VPS13B: variants seen among roughly 807,000 people sequenced by gnomAD.
VPS13B encodes vacuolar protein sorting 13 homolog B.
Under a neutral mutation model 426.4 loss-of-function variants are expected in VPS13B, and 285 were observed. That is an observed-to-expected ratio of 0.67 (90% CI 0.61 to 0.74). VPS13B has a LOEUF of 0.74. Among genes scored for constraint, VPS13B ranks in the 30% least tolerant of loss-of-function variants. VPS13B has a pLI of 0.00. For synonymous variants in VPS13B, 1,676 were observed against 1,676.4 expected, an observed-to-expected ratio of 1.00 and a Z score of 0.01; for missense variants, 4,537 against 4,782.6, an observed-to-expected ratio of 0.95 and a Z score of 1.51.
Position 99,302,409 on chromosome 8 carries a change from A to G in VPS13B, c.2824+27155A>G, listed in dbSNP as rs539855716. Among the ~76,000 whole-genome samples the G allele has an allele frequency of 1.4e-4, 21 of 152,342 alleles. No homozygotes were observed. The South Asian group carries it at 3.7e-3, about 27-fold the overall frequency. On this transcript the variant is annotated intron_variant, in intron 19 of 61. Coordinates refer to ENST00000357162, the MANE Select transcript of VPS13B (RefSeq NM_152564.5). ...GGCTTAGCCTACCTTAAACATTCTC[A>G]GAACACTTACCTTAGCCTATTATTG... is the stretch of plus-strand genomic sequence containing the variant.
At chr8:99,371,080 T>G (rs770931458) in intron 19 of VPS13B, among the ~76,000 whole-genome samples, 5 of 152,328 alleles carry the variant, frequency 3.3e-5, no homozygotes, top group Admixed American at 1.3e-4. Context: ...TGACATTTAT[T>G]AAATTGTATT....
At chr8:99,711,167 CTGTGT>C (rs1832695080) in intron 36 of VPS13B, among the ~76,000 whole-genome samples, 1 of 152,074 alleles carries the variant, frequency 6.6e-6, no homozygotes, top group Non-Finnish European at 1.5e-5. Flanking sequence ...CTACAGATAA[CTGTGT>C]TCCCTCATTG....
chr8:99,548,708 G>A (rs1824118583), intron 30 of VPS13B, among the ~76,000 whole-genome samples: 1 of 151,822 alleles, frequency 6.6e-6, no homozygotes, highest in Non-Finnish European at 1.5e-5. Context: ...AAAAAATAGA[G>A]ATTAGTGACT....
At chr8:99,431,274 C>G (rs1817097018) in intron 21 of VPS13B, among the ~76,000 whole-genome samples, 1 of 152,150 alleles carries the variant, frequency 6.6e-6, no homozygotes, top group African/African-American at 2.4e-5. Flanking sequence ...ACGTTACTAT[C>G]ACTTCACAAG....
intron 8 of VPS13B, among the ~76,000 whole-genome samples, chr8:99,122,554 C>T (rs1847999479): frequency 6.6e-6 from 1 of 152,126 alleles, no homozygotes; most frequent in African/African-American, 2.4e-5. Context: ...TTTACCTTCT[C>T]TTCCTCTCAC....
intron 35 of VPS13B, among the ~76,000 whole-genome samples, chr8:99,687,821 T>C (rs1588623834): frequency 6.6e-6 from 1 of 152,142 alleles, no homozygotes; most frequent in East Asian, 1.9e-4. Context: ...TGACTTTTGG[T>C]TCTTGTTAAG....
chr8:99,300,515 G>C (rs1308452177), intron 19 of VPS13B, among the ~76,000 whole-genome samples: 2 of 152,160 alleles, frequency 1.3e-5, no homozygotes, highest in Non-Finnish European at 2.9e-5. Flanking sequence ...GCTTAAAGTT[G>C]TTGCTGTATT....
chr8:99,295,537 C>A (rs982635448), intron 19 of VPS13B, among the ~76,000 whole-genome samples: 2 of 152,102 alleles, frequency 1.3e-5, no homozygotes, highest in African/African-American at 4.8e-5. Flanking sequence ...ACCTATTGAA[C>A]ACTATAGCTT....
At chr8:99,139,745 A>G (rs763520806) in intron 12 of VPS13B, among the ~76,000 whole-genome samples, 1 of 151,834 alleles carries the variant, frequency 6.6e-6, no homozygotes, top group Non-Finnish European at 1.5e-5. Flanking sequence ...CCCTCTGTTG[A>G]TATTTCTTTC....
chr8:99,120,759 A>G (rs2132514228), intron 7 of VPS13B, among the ~76,000 whole-genome samples: 1 of 152,160 alleles, frequency 6.6e-6, no homozygotes, highest in East Asian at 1.9e-4. Context: ...GAAATGAAGA[A>G]TGTTTCTTGG....
chr8:99,268,926 G>A lies in VPS13B; in HGVS notation c.2516-5272G>A, dbSNP rs920220707. Among the ~76,000 whole-genome samples the A allele has an allele frequency of 5.9e-5, 9 of 152,116 alleles. No homozygotes were observed. The South Asian group carries it at 6.2e-4, about 11-fold the overall frequency. On this transcript the variant is annotated intron_variant, in intron 17 of 61. Transcript: ENST00000357162. ...GGGAGGTAGTTGGATCATGGAGGTG[G>A]TTACCCTCATGCTGTTCTTGTGATA... is the stretch of plus-strand genomic sequence containing the variant.
At chr8:99,575,510 G>A (rs943940145) in intron 31 of VPS13B, 148 bp from the exon 32 acceptor site, 35 of 917,384 alleles carry the variant, frequency 3.8e-5, no homozygotes, top group Middle Eastern at 2.4e-4. Context: ...GTTAAGAAAC[G>A]ATGACTGTAA....
intron 33 of VPS13B, among the ~76,000 whole-genome samples, chr8:99,629,094 C>T (rs1182483616): frequency 6.6e-6 from 1 of 152,104 alleles, no homozygotes; most frequent in Non-Finnish European, 1.5e-5. Flanking sequence ...AGTTGCTTAA[C>T]TTCTCTGGGC....
chr8:99,732,081 G>C (rs1289767055), intron 39 of VPS13B, among the ~76,000 whole-genome samples: 1 of 152,078 alleles, frequency 6.6e-6, no homozygotes, highest in East Asian at 1.9e-4. Context: ...CTCTCGTGAA[G>C]AATCACAAGA....
In VPS13B at chr8:99,194,807, G is replaced by A. The variant is rs114139292; in HGVS notation, c.2515+1750G>A. On this transcript the variant is annotated intron_variant, in intron 17 of 61. Coordinates refer to ENST00000357162, the MANE Select transcript of VPS13B (RefSeq NM_152564.5). Reference sequence around the variant, plus strand: ...TTGCTTATATTTTTAGATTTTTGAGGAGCTTCAATACCGTTTTCCATAATG... The same window carrying A: ...TTGCTTATATTTTTAGATTTTTGAGAAGCTTCAATACCGTTTTCCATAATG... Among the ~76,000 whole-genome samples the A allele has an allele frequency of 4.2e-3, 637 of 152,044 alleles. 9 individuals carry two copies. Among genetic ancestry groups the A allele is most frequent in the African/African-American group, 0.015 (611 of 41,476 alleles).
chr8:99,840,399 A>T (rs1203047415), intron 54 of VPS13B, among the ~76,000 whole-genome samples: 2 of 152,206 alleles, frequency 1.3e-5, no homozygotes, highest in African/African-American at 2.4e-5. Context: ...ATCACTTTTT[A>T]AAAAATTGTG....
intron 30 of VPS13B, among the ~76,000 whole-genome samples, chr8:99,543,339 C>A (rs370762449): frequency 1.3e-5 from 2 of 152,132 alleles, no homozygotes; most frequent in East Asian, 3.9e-4. Flanking sequence ...TTAAACGTTA[C>A]ACCTAAAACC....
intron 35 of VPS13B, among the ~76,000 whole-genome samples, chr8:99,680,058 C>T (rs564188365): frequency 6.9e-4 from 105 of 152,076 alleles, no homozygotes; most frequent in Non-Finnish European, 1.3e-3. Flanking sequence ...GTAAGTCTTG[C>T]TTGTCTAAAA....
At chr8:99,576,377 AT>A (rs77084008) in intron 32 of VPS13B, among the ~76,000 whole-genome samples, 3 of 151,078 alleles carry the variant, frequency 2.0e-5, no homozygotes, top group Non-Finnish European at 1.5e-5. Flanking sequence ...TACGGTGACT[AT>A]TTTTTTTTAA....
Sources: allele counts gnomAD v4.1 joint callset (sites outside exome capture counted in the v4.1 genomes callset), GRCh38; gene constraint gnomAD v4.1.1; transcripts MANE v1.5; gene names NCBI Gene and HGNC (gene_info 2026-07-23, HGNC 2026-07-21).